Variants in WWOX observed in about 807,000 individuals in gnomAD.
WWOX encodes WW domain-containing oxidoreductase.
WWOX carries 69 observed loss-of-function variants against 46.2 expected under a neutral mutation model. The observed-to-expected ratio is 1.49, with a 90% CI of 1.23 to 1.82. The LOEUF is 1.82. Ranked by LOEUF, WWOX falls within the 40% of genes most tolerant of loss-of-function variation. The pLI, the probability that WWOX is intolerant of heterozygous loss-of-function variation, is 0.00. For synonymous variants in WWOX, 359 were observed against 202.6 expected, an observed-to-expected ratio of 1.77 and a Z score of -6.56; for missense variants, 919 against 542.6, an observed-to-expected ratio of 1.69 and a Z score of -6.89.
At chr16:78,207,084 G>A (rs868468299) in intron 5 of WWOX, among the ~76,000 whole-genome samples, 2 of 152,146 alleles carry the variant, frequency 1.3e-5, no homozygotes, top group African/African-American at 4.8e-5. Context: ...GGAGAATTGG[G>A]ATTAATTCTA....
intron 8 of WWOX, among the ~76,000 whole-genome samples, chr16:78,977,485 C>G (rs1411174615): frequency 6.6e-6 from 1 of 152,190 alleles, no homozygotes; most frequent in African/African-American, 2.4e-5. Flanking sequence ...CTGTCCTTTA[C>G]TTTATTTTCC....
chr16:78,469,347 T>A (rs1031568859), intron 8 of WWOX, among the ~76,000 whole-genome samples: 1 of 152,176 alleles, frequency 6.6e-6, no homozygotes, highest in Non-Finnish European at 1.5e-5. Context: ...TAGCTGACTA[T>A]AAGTTACAAA....
intron 5 of WWOX, among the ~76,000 whole-genome samples, chr16:78,311,992 A>T (rs1331015037): frequency 6.6e-6 from 1 of 152,156 alleles, no homozygotes; most frequent in East Asian, 1.9e-4. Context: ...TCCACGTTAC[A>T]GAGACTGCCC....
At chr16:79,018,264 G>A (rs888315696) in intron 8 of WWOX, among the ~76,000 whole-genome samples, 1 of 152,166 alleles carries the variant, frequency 6.6e-6, no homozygotes, top group African/African-American at 2.4e-5. Context: ...TCAGCAATCA[G>A]CCATTTTCTG....
At chr16:78,589,244 G>C (rs2045295456) in intron 8 of WWOX, among the ~76,000 whole-genome samples, 1 of 152,190 alleles carries the variant, frequency 6.6e-6, no homozygotes, top group Non-Finnish European at 1.5e-5. Context: ...GAGGGAGAAG[G>C]ATAGAGGAAA....
At chr16:79,087,021 T>TG (rs1479897329) in intron 8 of WWOX, among the ~76,000 whole-genome samples, 1 of 152,200 alleles carries the variant, frequency 6.6e-6, no homozygotes, top group African/African-American at 2.4e-5. Flanking sequence ...TGGAGATACC[T>TG]GGGGGTCCCC....
At chr16:78,707,006 T>A (rs1023292176) in intron 8 of WWOX, among the ~76,000 whole-genome samples, 3 of 152,142 alleles carry the variant, frequency 2.0e-5, no homozygotes, top group Non-Finnish European at 4.4e-5. Flanking sequence ...CTAGTAGGCC[T>A]AAGGAGACCA....
At chr16:78,301,587 T>C (rs564099893) in intron 5 of WWOX, among the ~76,000 whole-genome samples, 8 of 152,302 alleles carry the variant, frequency 5.3e-5, no homozygotes, top group South Asian at 4.1e-4. Context: ...GCGTGCACTC[T>C]GTTTATCTCT....
chr16:79,195,523 G>T (rs995464418), intron 8 of WWOX, among the ~76,000 whole-genome samples: 3 of 152,176 alleles, frequency 2.0e-5, no homozygotes. Context: ...TCCTGGCCCA[G>T]AATGGGGGAT....
At chr16:78,547,142 A>G (rs1429182176) in intron 8 of WWOX, among the ~76,000 whole-genome samples, 25 of 43,838 alleles carry the variant, frequency 5.7e-4, no homozygotes, top group African/African-American at 8.1e-4. Context: ...AAAAAAAAAA[A>G]AAAAAAAAAA....
chr16:79,165,858 C>T (rs77712893), intron 8 of WWOX, among the ~76,000 whole-genome samples: 4,275 of 152,230 alleles, frequency 0.028, 212 homozygotes, highest in African/African-American at 0.096. Flanking sequence ...AGGGTTATAA[C>T]TCAGTCTAAG....
intron 8 of WWOX, chr16:78,897,743 C>G (rs1374330944): frequency 6.6e-6 from 1 of 151,632 alleles, no homozygotes; most frequent in African/African-American, 2.4e-5. Flanking sequence ...AAGAATGCTG[C>G]CAAACAGTTG....
chr16:78,760,747 G>A lies in WWOX; in HGVS notation c.1056+327995G>A, dbSNP rs376988693. Reference sequence around the variant, plus strand: ...CTCTTTGAGGCAGAATACCTCTCATGCCTGGAGAGCATTACAGGCTGCATT... The same window carrying A: ...CTCTTTGAGGCAGAATACCTCTCATACCTGGAGAGCATTACAGGCTGCATT... On this transcript the variant is annotated intron_variant, in intron 8 of 8. Transcript: ENST00000566780. Among the ~76,000 whole-genome samples the A allele has an allele frequency of 1.8e-4, 28 of 152,322 alleles. No homozygotes were observed. The East Asian group carries it at 2.1e-3, about 12-fold the overall frequency.
intron 5 of WWOX, chr16:78,280,807 T>G (rs1457325530): frequency 6.6e-6 from 1 of 152,198 alleles, no homozygotes; most frequent in Non-Finnish European, 1.5e-5. Flanking sequence ...GATAATAAAA[T>G]ATAAAAACAG....
chr16:78,778,998 G>C (rs2050260014), intron 8 of WWOX, among the ~76,000 whole-genome samples: 1 of 152,120 alleles, frequency 6.6e-6, no homozygotes. Flanking sequence ...ATCTATTTCA[G>C]GGGATGACCA....
intron 8 of WWOX, among the ~76,000 whole-genome samples, chr16:79,057,011 A>T (rs1240294731): frequency 6.6e-6 from 1 of 152,204 alleles, no homozygotes; most frequent in African/African-American, 2.4e-5. Context: ...CACTTTTACA[A>T]ATACGAAGGA....
intron 5 of WWOX, among the ~76,000 whole-genome samples, chr16:78,260,862 G>T (rs190995742): frequency 6.7e-6 from 1 of 148,260 alleles, no homozygotes; most frequent in African/African-American, 2.5e-5. Flanking sequence ...ACTCGAACCC[G>T]GGAGGTGGAG....
At chr16:78,734,382 C>T (rs1360380119) in intron 8 of WWOX, among the ~76,000 whole-genome samples, 2 of 152,142 alleles carry the variant, frequency 1.3e-5, no homozygotes, top group Non-Finnish European at 2.9e-5. Context: ...TGGCCCCTAA[C>T]ACCTTCCCTA....
chr16:78,536,511 C>T (rs548244991), intron 8 of WWOX, among the ~76,000 whole-genome samples: 1 of 152,086 alleles, frequency 6.6e-6, no homozygotes, highest in African/African-American at 2.4e-5. Flanking sequence ...AGAGGGAAGT[C>T]CGCTGATTGT....
Sources: gnomAD v4.1 joint callset for allele counts (sites outside exome capture counted in the v4.1 genomes callset) on GRCh38, gnomAD v4.1.1 for gene constraint, MANE v1.5 for transcripts, NCBI Gene and HGNC (gene_info 2026-07-23, HGNC 2026-07-21) for gene names.